The following TLN2 variants were observed in gnomAD, a reference collection of about 807,000 sequenced individuals.
TLN2 encodes talin 2, also known as talin-2.
TLN2 carries 118 observed loss-of-function variants against 294.7 expected under a neutral mutation model. The ratio of observed to expected loss-of-function variants is 0.40; its 90% CI spans 0.34 to 0.47. TLN2 has a LOEUF of 0.47. TLN2 is among the 20% of genes least tolerant of loss of function. The pLI is 0.84. For synonymous variants in TLN2, 1,431 were observed against 1,304.5 expected, an observed-to-expected ratio of 1.10 and a Z score of -2.09; for missense variants, 3,083 against 3,282.2, an observed-to-expected ratio of 0.94 and a Z score of 1.48.
chr15:62,650,136 G>C lies in TLN2; in HGVS notation c.189G>C (p.Trp63Cys). 6.2e-7 allele frequency: 1 copy of C among 1,614,152 alleles called. No individual in the cohort carries two copies. The highest frequency in any genetic ancestry group is 8.5e-7 in the Non-Finnish European group (1 of 1,180,012). The change falls in exon 5 of 59, where the codon TGG (tryptophan) becomes TGC (cysteine). Residue 63 changes from tryptophan (W) to cysteine (C), a missense_variant. Coordinates refer to ENST00000636159, the MANE Select transcript of TLN2 (RefSeq NM_015059.3). ...LSDEDPRKGIWLEAGRTLDYY... is the reference protein window; with the variant it reads ...LSDEDPRKGICLEAGRTLDYY... ...ATGAAGACCCGAGGAAAGGGATTTG[G>C]CTGGAAGCGGGCAGAACACTGGATT...
intron 36 of TLN2, 139 bp from the exon 37 acceptor site, chr15:62,755,393 A>AG: frequency 9.7e-7 from 1 of 1,031,532 alleles, no homozygotes; most frequent in South Asian, 1.9e-5. Flanking sequence ...AGTGACTTTG[A>AG]GGGTCGCAGA....
chr15:62,595,443 A>G (rs1208194378), intron 2 of TLN2, among the ~76,000 whole-genome samples: 2 of 151,938 alleles, frequency 1.3e-5, no homozygotes, highest in East Asian at 3.9e-4. Flanking sequence ...GATGAAAGAT[A>G]ACAAGTGTTG....
chr15:62,785,761 A>G (rs376804837), intron 45 of TLN2, among the ~76,000 whole-genome samples: 69 of 152,156 alleles, frequency 4.5e-4, no homozygotes, highest in African/African-American at 1.5e-3. Flanking sequence ...TAGTTTAACT[A>G]CTGTCTCCCT....
chr15:62,444,180 A>G (rs77084551), intron 1 of TLN2, among the ~76,000 whole-genome samples: 1,651 of 152,278 alleles, frequency 0.011, 28 homozygotes, highest in African/African-American at 0.038. Context: ...AGGCCAGGGA[A>G]ATATTGAGGA....
chr15:62,509,756 A>G (rs2039834349), intron 1 of TLN2, among the ~76,000 whole-genome samples: 1 of 152,128 alleles, frequency 6.6e-6, no homozygotes, highest in South Asian at 2.1e-4. Flanking sequence ...GGACCACTGA[A>G]GCCAGGGGAG....
At chr15:62,448,458 A>G (rs1401697579) in intron 1 of TLN2, among the ~76,000 whole-genome samples, 1 of 152,192 alleles carries the variant, frequency 6.6e-6, no homozygotes, top group Non-Finnish European at 1.5e-5. Flanking sequence ...GATTCGGTTT[A>G]TTCTGTTGTG....
Position 62,667,177 on chromosome 15 carries a change from A to G in TLN2, c.789-6650A>G, listed in dbSNP as rs569933674. Among the ~76,000 whole-genome samples the G allele has an allele frequency of 3.3e-4, 51 of 152,256 alleles. No homozygotes were observed. The East Asian group carries it at 3.7e-3, about 11-fold the overall frequency. ...GAGACGGGGTTTCACCATGTTAGCC[A>G]GGATGGTCTCGATCTCCTGACCTAG... On this transcript the variant is annotated intron_variant, in intron 9 of 58. Coordinates refer to ENST00000636159, the MANE Select transcript of TLN2 (RefSeq NM_015059.3).
chr15:62,498,684 C>T (rs865860763), intron 1 of TLN2, among the ~76,000 whole-genome samples: 21 of 152,090 alleles, frequency 1.4e-4, no homozygotes, highest in Middle Eastern at 6.8e-3. Flanking sequence ...TATCTACTGA[C>T]CCCCAGTATC....
intron 9 of TLN2, among the ~76,000 whole-genome samples, chr15:62,658,753 C>G (rs894434812): frequency 1.3e-5 from 2 of 152,194 alleles, no homozygotes; most frequent in African/African-American, 4.8e-5. Flanking sequence ...GAAGCTTCCC[C>G]TTCTCTTCCG....
intron 2 of TLN2, among the ~76,000 whole-genome samples, chr15:62,605,091 A>C (rs1366685776): frequency 1.3e-5 from 2 of 152,184 alleles, no homozygotes; most frequent in Non-Finnish European, 2.9e-5. Context: ...ATATAATGGA[A>C]ATTATTAGAG....
At chr15:62,640,347 GGT>G in intron 3 of TLN2, 1 of 456,934 alleles carries the variant, frequency 2.2e-6, no homozygotes, top group Non-Finnish European at 4.4e-6. Context: ...AGGAGGTCAC[GGT>G]GGAGAGTGAG....
intron 48 of TLN2, 106 bp downstream of exon 48, chr15:62,797,508 A>G (rs7359226): frequency 0.7 from 911,890 of 1,300,546 alleles, 326,349 homozygotes; most frequent in East Asian, 0.79. Context: ...GAAGTAGACA[A>G]TGTGTGTGTG....
At chr15:62,415,729 G>T (rs762902921) in intron 1 of TLN2, among the ~76,000 whole-genome samples, 1 of 152,162 alleles carries the variant, frequency 6.6e-6, no homozygotes, top group African/African-American at 2.4e-5. Context: ...GCTCACGGTC[G>T]CTGGGTCTGC....
At chr15:62,835,602 T>C in intron 55 of TLN2, 135 bp from the exon 56 acceptor site, 1 of 906,316 alleles carries the variant, frequency 1.1e-6, no homozygotes. Context: ...GGTTGCTCCA[T>C]TCTCAGGCCT....
intron 1 of TLN2, among the ~76,000 whole-genome samples, chr15:62,535,212 G>A (rs2041267896): frequency 6.6e-6 from 1 of 152,278 alleles, no homozygotes; most frequent in East Asian, 1.9e-4. Flanking sequence ...GAAATTAGAC[G>A]TGGCTGCCCA....
intron 2 of TLN2, among the ~76,000 whole-genome samples, chr15:62,613,565 C>G (rs1031769787): frequency 4.6e-5 from 7 of 152,152 alleles, no homozygotes; most frequent in African/African-American, 9.7e-5. Flanking sequence ...CCCAGCGATT[C>G]TACTTGACAT....
intron 28 of TLN2, among the ~76,000 whole-genome samples, chr15:62,732,791 C>T (rs1266863318): frequency 1.3e-5 from 2 of 152,088 alleles, no homozygotes; most frequent in Non-Finnish European, 2.9e-5. Context: ...TGAACGGTTC[C>T]AAGTGTTTGG....
intron 1 of TLN2, among the ~76,000 whole-genome samples, chr15:62,442,777 A>G (rs1169979739): frequency 6.6e-6 from 1 of 152,230 alleles, no homozygotes; most frequent in African/African-American, 2.4e-5. Flanking sequence ...GCTTAAAGCA[A>G]CACACATTTA....
At chr15:62,800,516 G>A (rs1332809541) in intron 49 of TLN2, 23 bp downstream of exon 49, 1 of 1,613,214 alleles carries the variant, frequency 6.2e-7, no homozygotes, top group South Asian at 1.1e-5. Context: ...TCCGACTGGG[G>A]ATGAGCACCT....
Sources: allele counts gnomAD v4.1 joint callset (sites outside exome capture counted in the v4.1 genomes callset), GRCh38; gene constraint gnomAD v4.1.1; transcripts MANE v1.5; gene names NCBI Gene and HGNC (gene_info 2026-07-23, HGNC 2026-07-21).